The following CCDC91 variants were observed in gnomAD, a reference collection of about 807,000 sequenced individuals.
The protein encoded by CCDC91 is coiled-coil domain-containing protein 91.
CCDC91 carries 48 observed loss-of-function variants against 63.2 expected under a neutral mutation model. The ratio of observed to expected loss-of-function variants is 0.76; its 90% CI spans 0.60 to 0.97. The LOEUF is 0.97. Ranked by LOEUF, CCDC91 falls within the 50% of genes least tolerant of loss-of-function variation. The pLI, the probability that CCDC91 is intolerant of heterozygous loss-of-function variation, is 0.00. For synonymous variants in CCDC91, 167 were observed against 165.8 expected (o/e 1.01, Z -0.06); for missense variants, 500 against 494.6 (o/e 1.01, Z -0.10).
chr12:28,543,430 C>A (rs1942772794), intron 12 of CCDC91, among the ~76,000 whole-genome samples: 1 of 151,982 alleles, frequency 6.6e-6, no homozygotes, highest in Non-Finnish European at 1.5e-5. Flanking sequence ...AGGTTTTTAG[C>A]AGCTTGAAGC....
intron 12 of CCDC91, among the ~76,000 whole-genome samples, chr12:28,537,706 T>C (rs1394057303): frequency 6.6e-6 from 1 of 152,186 alleles, no homozygotes; most frequent in East Asian, 1.9e-4. Flanking sequence ...TTGACTTACA[T>C]CATTAAGGCT....
chr12:28,493,953 A>G lies in CCDC91; in HGVS notation c.1215+9788A>G, dbSNP rs142958827. Among the ~76,000 whole-genome samples, 748 of 151,814 alleles carry G rather than the reference A, an allele frequency of 4.9e-3. 1 individual carries two copies. In the Middle Eastern group the frequency reaches 0.058, roughly 12 times the overall value. ...ATGGCTTTCTACTTGAGCATGCCCA[A>G]TTTAATAGGTTGGAGGATTAGCTAA... is the stretch of plus-strand genomic sequence containing the variant. On this transcript the variant is annotated intron_variant, in intron 12 of 12. Coordinates refer to ENST00000536442, the MANE Select transcript of CCDC91 (RefSeq NM_018318.5).
At chr12:28,200,865 C>T (rs1197247320) in intron 1 of CCDC91, among the ~76,000 whole-genome samples, 3 of 150,288 alleles carry the variant, frequency 2.0e-5, no homozygotes, top group Non-Finnish European at 3.0e-5. Context: ...GCAGAGGCGC[C>T]CCTCACCTCC....
intron 12 of CCDC91, among the ~76,000 whole-genome samples, chr12:28,531,369 C>T (rs1382563811): frequency 6.6e-6 from 1 of 151,968 alleles, no homozygotes; most frequent in Non-Finnish European, 1.5e-5. Flanking sequence ...AATTTCAAAA[C>T]GTATGTAATT....
rs531422527 is a variant in CCDC91, at chr12:28,497,037, G to C, written c.1215+12872G>C. Among the ~76,000 whole-genome samples the C allele has an allele frequency of 2.7e-5, 4 of 148,960 alleles. No individual in the cohort carries two copies. The South Asian group carries it at 8.4e-4, about 31-fold the overall frequency. On this transcript the variant is annotated intron_variant, in intron 12 of 12. Coordinates refer to ENST00000536442, the MANE Select transcript of CCDC91 (RefSeq NM_018318.5). ...ACAGTGTTTCCCCCTGATTACTCAG[G>C]GATATTTCATATATGTTAGTTATAG...
At chr12:28,520,039 G>A (rs1383644732) in intron 12 of CCDC91, among the ~76,000 whole-genome samples, 2 of 152,088 alleles carry the variant, frequency 1.3e-5, no homozygotes, top group East Asian at 3.9e-4. Flanking sequence ...ACATACCTGT[G>A]CATGTGTCTT....
intron 6 of CCDC91, among the ~76,000 whole-genome samples, chr12:28,329,020 A>G (rs1457434928): frequency 2.0e-5 from 3 of 152,200 alleles, no homozygotes; most frequent in Non-Finnish European, 2.9e-5. Context: ...ACTTTCCACT[A>G]ACCTCATAAA....
At chr12:28,446,439 T>C (rs1949504535) in intron 8 of CCDC91, among the ~76,000 whole-genome samples, 1 of 152,122 alleles carries the variant, frequency 6.6e-6, no homozygotes, top group South Asian at 2.1e-4. Flanking sequence ...AAAAGAAACT[T>C]CAAGGAAACA....
chr12:28,246,282 A>ACT (rs1945727813), intron 1 of CCDC91, among the ~76,000 whole-genome samples: 1 of 152,184 alleles, frequency 6.6e-6, no homozygotes, highest in Non-Finnish European at 1.5e-5. Context: ...GAGTCCAGAT[A>ACT]AGCACAGGGA....
chr12:28,375,494 T>TAA (rs1565879436), intron 7 of CCDC91, among the ~76,000 whole-genome samples: 1 of 151,852 alleles, frequency 6.6e-6, no homozygotes, highest in Non-Finnish European at 1.5e-5. Flanking sequence ...ACTTTGAAAA[T>TAA]AAATAGATTG....
intron 12 of CCDC91, among the ~76,000 whole-genome samples, chr12:28,504,995 A>G (rs1938523132): frequency 6.6e-6 from 1 of 151,976 alleles, no homozygotes; most frequent in Non-Finnish European, 1.5e-5. Flanking sequence ...GCTATTTCCA[A>G]TAGTACTGAA....
chr12:28,537,197 G>A (rs1216907535), intron 12 of CCDC91, among the ~76,000 whole-genome samples: 1 of 151,788 alleles, frequency 6.6e-6, no homozygotes, highest in African/African-American at 2.4e-5. Flanking sequence ...AGCTATAACT[G>A]CAGATGCTCT....
chr12:28,400,993 C>G (rs962155231), intron 8 of CCDC91, among the ~76,000 whole-genome samples: 1 of 152,130 alleles, frequency 6.6e-6, no homozygotes, highest in Admixed American at 6.5e-5. Flanking sequence ...TAGGAAGTTC[C>G]AAACTTTCCC....
chr12:28,523,334 T>G (rs544060114), intron 12 of CCDC91, among the ~76,000 whole-genome samples: 14 of 152,302 alleles, frequency 9.2e-5, no homozygotes, highest in African/African-American at 2.9e-4. Flanking sequence ...TGTAATGGCC[T>G]TCTTTGTCTC....
intron 12 of CCDC91, among the ~76,000 whole-genome samples, chr12:28,505,080 G>T (rs1938532455): frequency 6.6e-6 from 1 of 151,910 alleles, no homozygotes; most frequent in Admixed American, 6.6e-5. Flanking sequence ...TAAATAGTTT[G>T]CCAAAATATT....
chr12:28,265,193 G>C (rs1947105923), intron 3 of CCDC91, among the ~76,000 whole-genome samples: 1 of 152,014 alleles, frequency 6.6e-6, no homozygotes, highest in East Asian at 1.9e-4. Flanking sequence ...GCAAAACCTT[G>C]AATAGTGTCC....
intron 1 of CCDC91, among the ~76,000 whole-genome samples, chr12:28,226,755 G>T (rs942134455): frequency 1.4e-4 from 22 of 151,980 alleles, no homozygotes; most frequent in African/African-American, 5.1e-4. Flanking sequence ...TCTGTTCCAG[G>T]TTACTGTCTA....
intron 8 of CCDC91, among the ~76,000 whole-genome samples, chr12:28,419,218 A>G (rs955952546): frequency 1.3e-5 from 2 of 152,216 alleles, no homozygotes; most frequent in East Asian, 1.9e-4. Context: ...AAGAGTAATT[A>G]GTAAGAAAAG....
At chr12:28,482,665 A>G (rs1010035610) in intron 11 of CCDC91, among the ~76,000 whole-genome samples, 9 of 152,092 alleles carry the variant, frequency 5.9e-5, no homozygotes, top group African/African-American at 2.2e-4. Flanking sequence ...AATGTTATCA[A>G]GGATGCAAGA....
Sources: gnomAD v4.1 joint callset for allele counts (sites outside exome capture counted in the v4.1 genomes callset) on GRCh38, gnomAD v4.1.1 for gene constraint, MANE v1.5 for transcripts, NCBI Gene and HGNC (gene_info 2026-07-23, HGNC 2026-07-21) for gene names.